VOPP1: variants seen among roughly 807,000 people sequenced by gnomAD.
The protein encoded by VOPP1 is VOPP1 WW domain binding protein.
VOPP1 carries 8 observed loss-of-function variants against 23.5 expected under a neutral mutation model. The ratio of observed to expected loss-of-function variants is 0.34; its 90% CI spans 0.20 to 0.61. The LOEUF is 0.61. VOPP1 is among the 20% of genes least tolerant of loss of function. The pLI is 0.78. For missense variants in VOPP1, 174 were observed against 238.1 expected, an observed-to-expected ratio of 0.73 and a Z score of 1.77; for synonymous variants, 83 against 97.3, an observed-to-expected ratio of 0.85 and a Z score of 0.86.
chr7:55,483,408 G>A (rs1054421677), intron 4 of VOPP1, among the ~76,000 whole-genome samples: 3 of 152,074 alleles, frequency 2.0e-5, no homozygotes, highest in African/African-American at 7.2e-5. Context: ...ATTACAGAGG[G>A]GGAATCTGAG....
At chr7:55,443,328 G>A (rs1791013554) in intron 4 of VOPP1, among the ~76,000 whole-genome samples, 1 of 152,062 alleles carries the variant, frequency 6.6e-6, no homozygotes, top group South Asian at 2.1e-4. Flanking sequence ...GCTGATGCGG[G>A]CGGATCACAA....
intron 1 of VOPP1, among the ~76,000 whole-genome samples, chr7:55,531,350 A>T (rs1178296195): frequency 7.8e-5 from 11 of 141,040 alleles, no homozygotes; most frequent in East Asian, 4.2e-4. Context: ...CTAATCCAGA[A>T]TTTTTTTTTT....
At position 55,485,584 on chromosome 7, in the gene VOPP1, C is replaced by T. The variant is rs80035575; in HGVS notation, c.328+6698G>A. On this transcript the variant is annotated intron_variant, in intron 4 of 4. Coordinates refer to ENST00000285279, the MANE Select transcript of VOPP1 (RefSeq NM_030796.5). ...GAGAGGAGGTCGGAAGTCACTGTCG[C>T]CCTGTCCTCATCCCAGAGCTGCAGG... Among the ~76,000 whole-genome samples the T allele has an allele frequency of 0.014, 2,148 of 152,322 alleles. 100 individuals carry two copies. The East Asian group carries it at 0.16, about 11-fold the overall frequency.
intron 1 of VOPP1, among the ~76,000 whole-genome samples, chr7:55,554,518 A>G (rs1797735769): frequency 6.6e-6 from 1 of 152,248 alleles, no homozygotes; most frequent in South Asian, 2.1e-4. Context: ...TCAGGAATAG[A>G]GAAAACGGGG....
intron 1 of VOPP1, among the ~76,000 whole-genome samples, chr7:55,566,174 G>C (rs1798157815): frequency 6.6e-6 from 1 of 152,214 alleles, no homozygotes; most frequent in Admixed American, 6.5e-5. Flanking sequence ...AGAGAAGCTG[G>C]AGGTGGGGGT....
chr7:55,530,701 T>C (rs1054737743), intron 1 of VOPP1: 1 of 152,222 alleles, frequency 6.6e-6, no homozygotes, highest in African/African-American at 2.4e-5. Flanking sequence ...ATGAGATTTA[T>C]TGTAGGCATT....
intron 1 of VOPP1, among the ~76,000 whole-genome samples, chr7:55,549,268 A>G (rs1016384864): frequency 1.3e-5 from 2 of 152,216 alleles, no homozygotes; most frequent in Admixed American, 6.5e-5. Flanking sequence ...GGGCAAAAAG[A>G]TGAACAAGGG....
intron 4 of VOPP1, among the ~76,000 whole-genome samples, chr7:55,476,939 C>T (rs1398282824): frequency 6.6e-6 from 1 of 152,220 alleles, no homozygotes; most frequent in East Asian, 1.9e-4. Context: ...TCTCCATCTC[C>T]AGCAGTAACC....
At chr7:55,550,309 C>T (rs1047651068) in intron 1 of VOPP1, among the ~76,000 whole-genome samples, 4 of 152,214 alleles carry the variant, frequency 2.6e-5, no homozygotes, top group Non-Finnish European at 5.9e-5. Flanking sequence ...TGTAAACAAA[C>T]GTACCTAAGT....
intron 1 of VOPP1, among the ~76,000 whole-genome samples, chr7:55,541,478 A>G (rs1241792122): frequency 1.3e-5 from 2 of 152,226 alleles, no homozygotes; most frequent in Non-Finnish European, 2.9e-5. Context: ...TATTGGCGAA[A>G]ATGTGGAACA....
chr7:55,572,042 G>C (rs1584144703), intron 1 of VOPP1, among the ~76,000 whole-genome samples: 1 of 152,116 alleles, frequency 6.6e-6, no homozygotes, highest in African/African-American at 2.4e-5. Context: ...GTGGGGGCGG[G>C]GTGCGAAAAC....
At chr7:55,549,070 G>GT (rs1437258701) in intron 1 of VOPP1, among the ~76,000 whole-genome samples, 3 of 152,190 alleles carry the variant, frequency 2.0e-5, no homozygotes, top group African/African-American at 7.2e-5. Flanking sequence ...GTAGGGGCGT[G>GT]TCTAGCAGTG....
At chr7:55,536,521 T>C (rs1796800800) in intron 1 of VOPP1, among the ~76,000 whole-genome samples, 2 of 152,106 alleles carry the variant, frequency 1.3e-5, no homozygotes, top group Admixed American at 1.3e-4. Flanking sequence ...AGTGACACTC[T>C]GTCTCAAACA....
intron 1 of VOPP1, among the ~76,000 whole-genome samples, chr7:55,555,550 C>T (rs1797773151): frequency 6.6e-6 from 1 of 152,156 alleles, no homozygotes; most frequent in Non-Finnish European, 1.5e-5. Flanking sequence ...CTTTTAGGTG[C>T]CAGATAAGAT....
At chr7:55,473,736 T>C (rs546386202) in intron 4 of VOPP1, among the ~76,000 whole-genome samples, 90 of 152,316 alleles carry the variant, frequency 5.9e-4, no homozygotes, top group African/African-American at 2.1e-3. Flanking sequence ...ATTAACACTA[T>C]AGAATTATGC....
At chr7:55,454,351 G>A (rs1447951910) in intron 4 of VOPP1, among the ~76,000 whole-genome samples, 3 of 152,158 alleles carry the variant, frequency 2.0e-5, no homozygotes, top group African/African-American at 7.2e-5. Flanking sequence ...GAGATTCACA[G>A]CCGAATTCTA....
downstream of VOPP1, among the ~76,000 whole-genome samples, chr7:55,466,141 C>G (rs112052405): frequency 0.012 from 1,825 of 152,266 alleles, 12 homozygotes; most frequent in Admixed American, 0.021. Context: ...CACCAGACAC[C>G]GAACCTACTG....
At chr7:55,445,804 GA>G (rs1791086406) in intron 4 of VOPP1, among the ~76,000 whole-genome samples, 1 of 152,144 alleles carries the variant, frequency 6.6e-6, no homozygotes, top group Non-Finnish European at 1.5e-5. Context: ...ATTTATTAAT[GA>G]ATTTAATTTG....
intron 1 of VOPP1, among the ~76,000 whole-genome samples, chr7:55,549,020 G>A (rs1416887703): frequency 6.6e-6 from 1 of 152,154 alleles, no homozygotes; most frequent in Non-Finnish European, 1.5e-5. Context: ...CCACCTATGA[G>A]GCATGGAAGT....
Sources: allele counts gnomAD v4.1 joint callset (sites outside exome capture counted in the v4.1 genomes callset), GRCh38; gene constraint gnomAD v4.1.1; transcripts MANE v1.5; gene names NCBI Gene and HGNC (gene_info 2026-07-23, HGNC 2026-07-21).